The following RBM19 variants were observed in gnomAD, a reference collection of about 807,000 sequenced individuals.
The protein encoded by RBM19 is probable RNA-binding protein 19.
A neutral mutation model predicts 116.8 loss-of-function variants in RBM19; 94 were observed. The ratio of observed to expected loss-of-function variants is 0.80; its 90% CI spans 0.68 to 0.95. The LOEUF (loss-of-function observed/expected upper bound fraction) is 0.95. Among genes scored for constraint, RBM19 ranks in the 40% least tolerant of loss-of-function variants. The probability of loss-of-function intolerance (pLI) is 0.00; values close to 1 mark genes in which losing one functional copy is unlikely to be tolerated. For synonymous variants in RBM19, 475 were observed against 494.1 expected (o/e 0.96, Z 0.51); for missense variants, 1,161 against 1,220.7 (o/e 0.95, Z 0.73).
chr12:113,873,057 G>C (rs1749590395), intron 21 of RBM19, among the ~76,000 whole-genome samples: 2 of 130,768 alleles, frequency 1.5e-5, no homozygotes, highest in African/African-American at 5.4e-5. Context: ...GAGGGAGGTT[G>C]GGGGGTCAGC....
At chr12:113,889,607 C>A (rs528572917) in intron 21 of RBM19, among the ~76,000 whole-genome samples, 1 of 152,020 alleles carries the variant, frequency 6.6e-6, no homozygotes, top group Non-Finnish European at 1.5e-5. Flanking sequence ...CTGATCACCA[C>A]ACATCTGCTT....
chr12:113,885,397 G>A (rs951491891), intron 21 of RBM19, among the ~76,000 whole-genome samples: 2 of 152,126 alleles, frequency 1.3e-5, no homozygotes, highest in African/African-American at 2.4e-5. Context: ...GCAATACAGG[G>A]TAACATTTCC....
intron 4 of RBM19, 65 bp from the exon 5 acceptor site, chr12:113,959,469 C>T (rs1176534628): frequency 9.2e-6 from 14 of 1,515,604 alleles, no homozygotes; most frequent in Non-Finnish European, 1.3e-5. Context: ...GCAGAGAAGG[C>T]TCAGGTGGGG....
At chr12:113,914,948 G>T (rs761618253) in intron 21 of RBM19, 21 bp downstream of exon 21, 2 of 1,599,716 alleles carry the variant, frequency 1.3e-6, no homozygotes, top group East Asian at 4.5e-5. Context: ...CAGTCCCCTG[G>T]ACTAAACCTG....
At position 113,960,193 on chromosome 12, in the gene RBM19, G is replaced by C. The variant is rs1872371908; in HGVS notation, c.220-15C>G. The C allele has an allele frequency of 4.3e-6, 7 of 1,612,672 alleles. No individual in the cohort carries two copies. The highest frequency in any genetic ancestry group is 3.3e-5 in the Admixed American group (2 of 60,006). Reference sequence around the variant, plus strand: ...CAGAACTCCACCTGTGTGGGAAAGAGAGTGATTTTCACACCTGCCATGGCA... The same window carrying C: ...CAGAACTCCACCTGTGTGGGAAAGACAGTGATTTTCACACCTGCCATGGCA... On this transcript the variant is annotated splice_polypyrimidine_tract_variant and intron_variant, in intron 2 of 23. Transcript: ENST00000261741.
chr12:113,925,818 C>T (rs541020188), intron 17 of RBM19, among the ~76,000 whole-genome samples: 4 of 152,234 alleles, frequency 2.6e-5, no homozygotes, highest in Admixed American at 6.5e-5. Context: ...ACAATGATCC[C>T]GGATAATGAT....
At chr12:113,928,926 T>C (rs1869364890) in intron 16 of RBM19, among the ~76,000 whole-genome samples, 1 of 151,988 alleles carries the variant, frequency 6.6e-6, no homozygotes, top group East Asian at 1.9e-4. Flanking sequence ...CCCCAGGAAA[T>C]CAAACTGTCT....
At chr12:113,821,389 G>T (rs563535419), downstream of RBM19, among the ~76,000 whole-genome samples, 1 of 152,274 alleles carries the variant, frequency 6.6e-6, no homozygotes, top group South Asian at 2.1e-4. Context: ...AGACCAGAAG[G>T]TTCAGCCAGA....
intron 21 of RBM19, among the ~76,000 whole-genome samples, chr12:113,863,062 G>A (rs933011643): frequency 1.0e-3 from 156 of 152,172 alleles, no homozygotes; most frequent in Non-Finnish European, 1.6e-3. Context: ...GTGTGTGGTG[G>A]GGGGAGAGAA....
chr12:113,823,041 G>C lies in RBM19; in HGVS notation c.*183C>G, dbSNP rs879284107. On this transcript the variant is annotated 3_prime_UTR_variant, in exon 24 of 24. Transcript: ENST00000261741. ...CACTGGTGAAACCCAGGATGCCTGG[G>C]CCGCTGGGCAGTGGCCTGAGGCCTT... is the stretch of plus-strand genomic sequence containing the variant. 73 of 599,352 alleles carry C rather than the reference G, an allele frequency of 1.2e-4. No homozygotes were observed. Among genetic ancestry groups the C allele is most frequent in the Non-Finnish European group, 2.0e-4 (69 of 339,794 alleles). 37.1% of individuals were successfully genotyped at this position (599,352 alleles called of 1,614,324 possible).
In RBM19 at chr12:113,920,251, G is replaced by A. The variant is rs200214015; in HGVS notation, c.2385+360C>T. On this transcript the variant is annotated intron_variant, in intron 19 of 23. Coordinates refer to ENST00000261741, the MANE Select transcript of RBM19 (RefSeq NM_016196.4). ...AGTGCCCCACCTCCACCCCCAACTC[G>A]CAGCTTTGTCTTCATGACCTGGTCC... 3.8e-4 allele frequency among the ~76,000 whole-genome samples: 58 copies of A among 152,172 alleles called. No individual in the cohort carries two copies. In the East Asian group the frequency reaches 6.8e-3, roughly 18 times the overall value.
intron 21 of RBM19, among the ~76,000 whole-genome samples, chr12:113,881,417 G>T (rs1880119560): frequency 6.6e-6 from 1 of 152,128 alleles, no homozygotes; most frequent in South Asian, 2.1e-4. Context: ...ATGGAAGAGT[G>T]AGAACAGTTT....
intron 19 of RBM19, among the ~76,000 whole-genome samples, chr12:113,918,883 G>A (rs944016829): frequency 2.6e-5 from 4 of 152,312 alleles, no homozygotes; most frequent in South Asian, 4.1e-4. Flanking sequence ...CAGAACTGGT[G>A]TATTAGCAAA....
chr12:113,845,077 G>T (rs1008944404), intron 22 of RBM19, among the ~76,000 whole-genome samples: 44 of 152,314 alleles, frequency 2.9e-4, no homozygotes, highest in African/African-American at 1.1e-3. Context: ...TGTGTCATCC[G>T]ATCTGTGGAG....
chr12:113,863,237 G>GTGTGTGTGA (rs1878543697), intron 21 of RBM19, among the ~76,000 whole-genome samples: 1 of 121,038 alleles, frequency 8.3e-6, no homozygotes, highest in Non-Finnish European at 2.0e-5. Flanking sequence ...GTGTGTGTGT[G>GTGTGTGTGA]GGGCCAGCGT....
chr12:113,854,823 C>A (rs527975911), intron 22 of RBM19, among the ~76,000 whole-genome samples: 5 of 152,304 alleles, frequency 3.3e-5, no homozygotes, highest in South Asian at 2.1e-4. Context: ...AAATGCTCAG[C>A]GAGACTGGGG....
chr12:113,964,939 GAA>G (rs201302500), intron 1 of RBM19, among the ~76,000 whole-genome samples: 5 of 137,214 alleles, frequency 3.6e-5, no homozygotes, highest in African/African-American at 8.0e-5. Context: ...CCTGACAAAT[GAA>G]AAAAAAAAAA....
intron 14 of RBM19, among the ~76,000 whole-genome samples, chr12:113,940,594 AC>A (rs1870488185): frequency 6.6e-6 from 1 of 152,070 alleles, no homozygotes; most frequent in Non-Finnish European, 1.5e-5. Context: ...GAGTTGCTGC[AC>A]TCCTTGTCCT....
At chr12:113,955,372 C>A (rs1465611257) in intron 6 of RBM19, among the ~76,000 whole-genome samples, 161 bp from the exon 7 acceptor site, 1 of 152,056 alleles carries the variant, frequency 6.6e-6, no homozygotes, top group Non-Finnish European at 1.5e-5. Flanking sequence ...TGGAGTCTGG[C>A]CAGAGGTGGG....
Sources: gnomAD v4.1 joint callset for allele counts (sites outside exome capture counted in the v4.1 genomes callset) on GRCh38, gnomAD v4.1.1 for gene constraint, MANE v1.5 for transcripts, NCBI Gene and HGNC (gene_info 2026-07-23, HGNC 2026-07-21) for gene names.